Variants in TTN observed in about 807,000 individuals in gnomAD.
TTN encodes the protein connectin.
Under a neutral mutation model 3,223.0 loss-of-function variants are expected in TTN, and 1,525 were observed. That is an observed-to-expected ratio of 0.47 (90% CI 0.45 to 0.49). The LOEUF (loss-of-function observed/expected upper bound fraction) is 0.49. Among genes scored for constraint, TTN ranks in the 20% least tolerant of loss-of-function variants. TTN has a pLI of 0.00. For synonymous variants in TTN, 14,094 were observed against 15,161.0 expected (o/e 0.93, Z 5.17); for missense variants, 40,786 against 43,424.0 (o/e 0.94, Z 5.40).
At position 178,548,571 on chromosome 2, in the gene TTN, G is replaced by A; in HGVS notation, c.93055C>T (p.Pro31019Ser). 6.2e-7 allele frequency: 1 copy of A among 1,613,850 alleles called. No individual in the cohort carries two copies. Residue 31019 changes from proline (P) to serine (S), a missense_variant, in exon 339 of 363, where the codon CCA (proline) becomes TCA (serine). Pro to Ser is a moderately conservative substitution (Grantham distance 74). Transcript: ENST00000589042. The surrounding 1 kb of genome is among the most constrained non-coding windows in gnomAD (Gnocchi z 4.3). ...FTVKVLDTPG[P>S]PGPITFKDVT... ...TCTTTGAAGGTAATTGGGCCAGGTG[G>A]GCCTGGAGTGTCTAGCACTTTCACG... is the stretch of plus-strand genomic sequence containing the variant.
At chr2:178,752,028 C>G in intron 47 of TTN, 1 of 1,568,772 alleles carries the variant, frequency 6.4e-7, no homozygotes, top group Non-Finnish European at 8.6e-7. Flanking sequence ...GATTCCCCCT[C>G]AGAGAATAAT....
intron 330 of TTN, chr2:178,556,409 C>G: frequency 5.1e-6 from 1 of 197,068 alleles, no homozygotes; most frequent in Non-Finnish European, 1.0e-5. Flanking sequence ...ACAGCCTGGG[C>G]GACAGAGTGA....
At position 178,651,909 on chromosome 2, in the gene TTN, C is replaced by T. The variant is rs2063055162; in HGVS notation, c.39354G>A (p.Glu13118=). 2 of 1,609,852 alleles carry T rather than the reference C, an allele frequency of 1.2e-6. No individual in the cohort carries two copies. Among genetic ancestry groups the T allele is most frequent in the Non-Finnish European group, 1.7e-6 (2 of 1,178,124 alleles). ...CTTGTGGAGGCGCCGCTGGCTCTGG[C>T]TCTTCCACAACTTCAGCAGGAGGCT... ...LEEPPAEVVE[E]PEPAAPPQVT... Residue 13118 remains glutamate (E), a synonymous_variant, in exon 205 of 363, where the codon GAG becomes GAA. Transcript: ENST00000589042.
At chr2:178,663,756 C>T (rs771769213) in intron 170 of TTN, 46 bp from the exon 171 acceptor site, 11 of 1,611,066 alleles carry the variant, frequency 6.8e-6, no homozygotes, top group Non-Finnish European at 6.8e-6. Context: ...ATGAAGACCA[C>T]TGGAAAAAAT....
In TTN at chr2:178,776,784, G is replaced by T; in HGVS notation, c.5080C>A (p.Leu1694Ile). ...TTCTGTTGTTTCTCTTTGTCATAGA[G>T]ATCACCTTCTTCCCATTGCTCTTGG... is the stretch of plus-strand genomic sequence containing the variant. ...YGQEQWEEGDLYDKEKQQKPF... is the reference protein window; with the variant it reads ...YGQEQWEEGDIYDKEKQQKPF... Residue 1694 changes from leucine to isoleucine, a missense_variant, in exon 28 of 363, where the codon CTC becomes ATC. Transcript: ENST00000589042. The T allele has an allele frequency of 6.2e-7, 1 of 1,614,118 alleles. No homozygotes were observed. The highest frequency in any genetic ancestry group is 8.5e-7 in the Non-Finnish European group (1 of 1,180,006).
At chr2:178,736,280 T>C (rs1335755528) in intron 49 of TTN, among the ~76,000 whole-genome samples, 1 of 152,212 alleles carries the variant, frequency 6.6e-6, no homozygotes, top group Non-Finnish European at 1.5e-5. Flanking sequence ...GACATCACTT[T>C]ACTTGTCTCT....
intron 22 of TTN, 102 bp downstream of exon 22, chr2:178,779,898 C>A: frequency 3.4e-6 from 4 of 1,164,776 alleles, no homozygotes; most frequent in Non-Finnish European, 3.7e-6. Flanking sequence ...CTTCTAATAG[C>A]TGTCTAACCC....
At position 178,704,501 on chromosome 2, in the gene TTN, C is replaced by T. The variant is rs1414738493; in HGVS notation, c.29962+9G>A. 2 of 1,601,116 alleles carry T rather than the reference C, an allele frequency of 1.2e-6. No individual in the cohort carries two copies. The highest frequency in any genetic ancestry group is 2.7e-5 in the African/African-American group (2 of 74,256). On this transcript the variant is annotated intron_variant, in intron 105 of 362. Transcript: ENST00000589042. Reference sequence around the variant, plus strand: ...CTCACAAGTATTTCATAAGCCTTTTCTAACTTACCAATTACAGTTAGTTTA... The same window carrying T: ...CTCACAAGTATTTCATAAGCCTTTTTTAACTTACCAATTACAGTTAGTTTA...
rs766457948 is a variant in TTN, at chr2:178,776,278, G to A, written c.5586C>T (p.Cys1862=). The part of the protein sequence containing the change: ...VLEGETARFR[C]RVTGYPQPKV... ...TGGGCTGAGGGTAGCCTGTTACCCT[G>A]CAGCGGAACCTTGCAGTCTCCCCTT... Residue 1862 remains cysteine (C), a synonymous_variant, in exon 28 of 363, where the codon TGC becomes TGT. Coordinates refer to ENST00000589042, the MANE Select transcript of TTN (RefSeq NM_001267550.2). 4 of 1,613,982 alleles carry A rather than the reference G, an allele frequency of 2.5e-6. No homozygotes were observed. Among genetic ancestry groups the A allele is most frequent in the East Asian group, 2.2e-5 (1 of 44,894 alleles).
rs759998048 is a variant in TTN at position 178,595,509 on chromosome 2, A to AC, written c.57844_57845insG (p.Ile19282SerfsTer8). 1 of 1,543,548 alleles carries AC rather than the reference A, an allele frequency of 6.5e-7. No individual in the cohort carries two copies. ...TACATTTTTTTTTTTTTACTTACTT[A>AC]TTGGCTCTCTGATAACAAGTGCCTC... On this transcript the variant is annotated frameshift_variant, in exon 295 of 363. Transcript: ENST00000589042. LOFTEE classifies it high-confidence loss of function.
In TTN at chr2:178,562,252, T is replaced by A. The variant is rs1481588357; in HGVS notation, c.83880A>T (p.Glu27960Asp). 4.3e-6 allele frequency: 7 copies of A among 1,613,208 alleles called. No homozygotes were observed. In the East Asian group the frequency reaches 1.6e-4, roughly 36 times the overall value. The stretch of plus-strand genomic sequence containing the variant: ...AAGGAAGCTCAACTGAAGGCTTTAT[T>A]TCAATATCCCTTGCAATTACTGGCA... ...LGVPVIARDI[E>D]IKPSVELPFH... is the part of the protein sequence containing the mutation. The change falls in exon 326 of 363, where the codon GAA becomes GAT. Residue 27960 changes from glutamate (E) to aspartate (D), a missense_variant. Physicochemically the swap from Glu to Asp is conservative, Grantham distance 45. Transcript: ENST00000589042.
Position 178,634,324 on chromosome 2 carries a change from C to T in TTN, c.42415+42G>A. ...TCCTATCTTTAAAGTCATATATTTG[C>T]ATGCCTTTATGGGATGTCACAGATC... On this transcript the variant is annotated intron_variant, in intron 230 of 362. Coordinates refer to ENST00000589042, the MANE Select transcript of TTN (RefSeq NM_001267550.2). The surrounding 1 kb of genome is among the most constrained non-coding windows in gnomAD (Gnocchi z 4.6). 6.4e-7 allele frequency: 1 copy of T among 1,573,302 alleles called. No individual in the cohort carries two copies. Among genetic ancestry groups the T allele is most frequent in the Non-Finnish European group, 8.6e-7 (1 of 1,169,382 alleles).
In TTN at chr2:178,665,477, A is replaced by G; in HGVS notation, c.35960-17T>C. On this transcript the variant is annotated splice_polypyrimidine_tract_variant and intron_variant, in intron 164 of 362. Coordinates refer to ENST00000589042, the MANE Select transcript of TTN (RefSeq NM_001267550.2). The stretch of plus-strand genomic sequence containing the variant: ...CTTCTGGTGCTTTGAAGATATTAGT[A>G]TTATGGTTAGAGGTTAAAAGGATCA... The G allele has an allele frequency of 1.2e-6, 2 of 1,610,616 alleles. No individual in the cohort carries two copies. The highest frequency in any genetic ancestry group is 1.3e-5 in the African/African-American group (1 of 74,980).
Position 178,720,433 on chromosome 2 carries a change from T to C in TTN, c.23329A>G (p.Thr7777Ala). 1 of 1,613,684 alleles carries C rather than the reference T, an allele frequency of 6.2e-7. No homozygotes were observed. The highest frequency in any genetic ancestry group is 1.1e-5 in the South Asian group (1 of 91,052). Residue 7777 changes from threonine (T) to alanine (A), a missense_variant, in exon 80 of 363, where the codon ACT becomes GCT. Coordinates refer to ENST00000589042, the MANE Select transcript of TTN (RefSeq NM_001267550.2). ...SDVGEYHCKA[T>A]NEVGSDTCSC... is the part of the protein sequence containing the mutation. Reference sequence around the variant, plus strand: ...CACGTGTCACTTCCCACCTCATTAGTAGCTTTGCAGTGATATTCCCCGACA... The same window carrying C: ...CACGTGTCACTTCCCACCTCATTAGCAGCTTTGCAGTGATATTCCCCGACA...
At position 178,541,553 on chromosome 2, in the gene TTN, T is replaced by C. The variant is rs755848026; in HGVS notation, c.97524A>G (p.Ile32508Met). The C allele has an allele frequency of 4.2e-5, 68 of 1,611,780 alleles. No individual in the cohort carries two copies. Among genetic ancestry groups the C allele is most frequent in the Non-Finnish European group, 5.7e-5 (67 of 1,178,826 alleles). Residue 32508 changes from isoleucine (I) to methionine (M), a missense_variant, in exon 350 of 363, where the codon ATA (isoleucine) becomes ATG (methionine). Physicochemically the swap from Ile to Met is conservative, Grantham distance 10 (BLOSUM62 1). Transcript: ENST00000589042. ...TCATGCCATCACGGGAAACATCAAATATCTGTAATGTTTCTGGGGGTCCAG... is the reference window on the plus strand; with the variant it reads ...TCATGCCATCACGGGAAACATCAAACATCTGTAATGTTTCTGGGGGTCCAG... Reference protein sequence around the residue: ...RIPGPPETLQIFDVSRDGMTL... With the variant: ...RIPGPPETLQMFDVSRDGMTL...
At chr2:178,614,992 T>C (rs2057048529) in intron 259 of TTN, 24 bp from the exon 260 acceptor site, 1 of 1,568,908 alleles carries the variant, frequency 6.4e-7, no homozygotes, top group East Asian at 2.3e-5. Flanking sequence ...GAATAGGATG[T>C]TTTACTGTGA....
Position 178,795,220 on chromosome 2 carries a change from G to T in TTN, c.947C>A (p.Ser316Tyr), listed in dbSNP as rs1357433834. Residue 316 changes from serine (S) to tyrosine (Y), a missense_variant, in exon 7 of 363, where the codon TCC (serine) becomes TAC (tyrosine). Physicochemically the swap from Ser to Tyr is moderately radical, Grantham distance 144 (BLOSUM62 -2). Transcript: ENST00000589042. ...SVSPAARIST[S>Y]PIRSVRSPLL... ...TGGAGACCTAACAGACCTGATGGGG[G>T]ATGTGGAGATTCTTGCTGCTGGAGA... The T allele has an allele frequency of 3.7e-6, 6 of 1,614,014 alleles. No homozygotes were observed. The East Asian group carries it at 6.7e-5, about 18-fold the overall frequency.
chr2:178,780,387 C>A (rs1370091228), intron 21 of TTN, among the ~76,000 whole-genome samples, 182 bp from the exon 22 acceptor site: 15 of 152,208 alleles, frequency 9.9e-5, no homozygotes, highest in Admixed American at 9.8e-4. Flanking sequence ...CTAACACTAA[C>A]AAATCCAACC....
chr2:178,634,215 C>T lies in TTN; in HGVS notation c.42416-132G>A. On this transcript the variant is annotated intron_variant, in intron 230 of 362. Coordinates refer to ENST00000589042, the MANE Select transcript of TTN (RefSeq NM_001267550.2). The surrounding 1 kb of genome is among the most constrained non-coding windows in gnomAD (Gnocchi z 4.6). ...ATTCATCTTTCCAAATAGAGCTCCA[C>T]TAAAAACAAATTAAGGGGGGTTGTT... 6.7e-7 allele frequency: 1 copy of T among 1,484,798 alleles called. No homozygotes were observed. Among genetic ancestry groups the T allele is most frequent in the Non-Finnish European group, 8.9e-7 (1 of 1,119,306 alleles). The allele number at this position is 1,484,798 out of a possible 1,614,324, so 92.0% of individuals were successfully genotyped here.
Sources: allele counts gnomAD v4.1 joint callset (sites outside exome capture counted in the v4.1 genomes callset), GRCh38; gene constraint gnomAD v4.1.1; non-coding constraint Gnocchi (gnomAD v3.1); transcripts MANE v1.5; gene names NCBI Gene and HGNC (gene_info 2026-07-23, HGNC 2026-07-21).